MKLN1: variants seen among roughly 807,000 people sequenced by gnomAD.
The protein encoded by MKLN1 is muskelin.
A neutral mutation model predicts 99.0 loss-of-function variants in MKLN1; 18 were observed. That is an observed-to-expected ratio of 0.18 (90% CI 0.13 to 0.27). The LOEUF is 0.27. Ranked by LOEUF, MKLN1 falls within the 10% of genes least tolerant of loss-of-function variation. MKLN1 has a pLI of 1.00. For synonymous variants in MKLN1, 288 were observed against 293.2 expected (o/e 0.98, Z 0.18); for missense variants, 621 against 875.9 (o/e 0.71, Z 3.67).
chr7:131,404,852 C>T (rs980871731), intron 6 of MKLN1, among the ~76,000 whole-genome samples: 1 of 152,154 alleles, frequency 6.6e-6, no homozygotes, highest in Admixed American at 6.5e-5. Context: ...CTGCCTTGGC[C>T]TCCCAAAGTG....
chr7:131,133,798 CTTTTTTTTTTTTTTTAATTTGGTT>C (rs1795600714), intron 1 of MKLN1, among the ~76,000 whole-genome samples: 2 of 69,496 alleles, frequency 2.9e-5, no homozygotes, highest in Non-Finnish European at 5.5e-5. Flanking sequence ...AGGTTGACTT[CTTTTTTTTTTTTTTTAATTTGGTT>C]TTTTTTTTTT....
intron 1 of MKLN1, among the ~76,000 whole-genome samples, chr7:131,123,254 C>T (rs555831472): frequency 1.3e-5 from 2 of 152,148 alleles, no homozygotes; most frequent in East Asian, 1.9e-4. Flanking sequence ...GATCAGCAAA[C>T]TTTTTCCATT....
At chr7:131,395,900 T>A (rs961473142) in intron 4 of MKLN1, among the ~76,000 whole-genome samples, 3 of 151,926 alleles carry the variant, frequency 2.0e-5, no homozygotes, top group Non-Finnish European at 4.4e-5. Flanking sequence ...TTTTATATTT[T>A]CTTATAAATA....
intron 2 of MKLN1, among the ~76,000 whole-genome samples, chr7:131,377,969 A>T (rs1012700235): frequency 1.3e-5 from 2 of 152,254 alleles, no homozygotes; most frequent in African/African-American, 4.8e-5. Flanking sequence ...ACTCAAATAT[A>T]ACTGGGGTTT....
At chr7:131,475,992 G>C (rs1286054189) in intron 16 of MKLN1, among the ~76,000 whole-genome samples, 1 of 152,016 alleles carries the variant, frequency 6.6e-6, no homozygotes, top group Admixed American at 6.6e-5. Flanking sequence ...TATATGGCTA[G>C]TTTAACATTT....
intron 1 of MKLN1, among the ~76,000 whole-genome samples, chr7:131,116,060 C>G (rs1005401271): frequency 2.0e-5 from 3 of 152,262 alleles, no homozygotes; most frequent in Admixed American, 6.5e-5. Context: ...AATCCCAGCA[C>G]TTTGGGATGC....
chr7:131,440,897 A>G (rs537916222), intron 10 of MKLN1, among the ~76,000 whole-genome samples: 4 of 152,320 alleles, frequency 2.6e-5, no homozygotes, highest in South Asian at 2.1e-4. Context: ...TATTAATAAC[A>G]CTGACTATAA....
chr7:131,134,631 T>C (rs1236339516), intron 1 of MKLN1, among the ~76,000 whole-genome samples: 3 of 152,180 alleles, frequency 2.0e-5, no homozygotes, highest in African/African-American at 7.2e-5. Flanking sequence ...CCGTCTCTCC[T>C]ACTCCCAAAC....
At chr7:131,206,967 A>G (rs539547709) in intron 3 of MKLN1, among the ~76,000 whole-genome samples, 1 of 152,202 alleles carries the variant, frequency 6.6e-6, no homozygotes, top group South Asian at 2.1e-4. Flanking sequence ...GGGTCTATGG[A>G]CGTCTGAGTG....
At chr7:131,162,546 T>C (rs186903404) in intron 2 of MKLN1, among the ~76,000 whole-genome samples, 1 of 152,172 alleles carries the variant, frequency 6.6e-6, no homozygotes, top group Non-Finnish European at 1.5e-5. Context: ...ATGCACAAAA[T>C]TATTAACAGT....
chr7:131,315,377 A>G (rs1054695610), intron 3 of MKLN1, among the ~76,000 whole-genome samples: 2 of 152,136 alleles, frequency 1.3e-5, no homozygotes, highest in Non-Finnish European at 2.9e-5. Flanking sequence ...CAGCCTGGAT[A>G]CTATGCTTTT....
At chr7:131,329,346 G>A (rs942848279) in intron 1 of MKLN1, among the ~76,000 whole-genome samples, 2 of 152,228 alleles carry the variant, frequency 1.3e-5, no homozygotes, top group African/African-American at 4.8e-5. Context: ...TCTGGCCTGC[G>A]TAGCCTATTC....
chr7:131,160,492 A>AATTATT (rs60725549), intron 2 of MKLN1, among the ~76,000 whole-genome samples: 7,431 of 138,864 alleles, frequency 0.054, 215 homozygotes, highest in South Asian at 0.078. Flanking sequence ...TATTATTATT[A>AATTATT]ATTATTATTA....
At chr7:131,465,059 T>C (rs147413673) in intron 14 of MKLN1, among the ~76,000 whole-genome samples, 14 of 152,232 alleles carry the variant, frequency 9.2e-5, no homozygotes, top group East Asian at 7.7e-4. Flanking sequence ...AGGTAAAAGA[T>C]AACATGGGAG....
chr7:131,133,798 C>A (rs1197227948), intron 1 of MKLN1, among the ~76,000 whole-genome samples: 1 of 69,494 alleles, frequency 1.4e-5, no homozygotes, highest in Non-Finnish European at 2.8e-5. Flanking sequence ...AGGTTGACTT[C>A]TTTTTTTTTT....
chr7:131,227,541 C>T lies in MKLN1; in HGVS notation c.-179+24567C>T, dbSNP rs1376688368. Among the ~76,000 whole-genome samples the T allele has an allele frequency of 5.1e-5, 7 of 135,946 alleles. No homozygotes were observed. In the South Asian group the frequency reaches 1.4e-3, roughly 27 times the overall value. 89.2% of individuals were successfully genotyped at this position (135,946 alleles called of 152,430 possible). On this transcript the variant is annotated intron_variant, in intron 3 of 7. Coordinates refer to the MKLN1 transcript ENST00000416992. ...TCTTTCTTTCTTTCTTTCTTTCTCT[C>T]TTTCTTTTCCTTCCTTCCTTCCCTC... is the stretch of plus-strand genomic sequence containing the variant.
intron 12 of MKLN1, among the ~76,000 whole-genome samples, chr7:131,456,456 C>T (rs762294889): frequency 6.6e-6 from 1 of 152,244 alleles, no homozygotes; most frequent in East Asian, 1.9e-4. Context: ...CACTCTCCCC[C>T]AGATTACCCT....
chr7:131,346,243 G>A (rs1039657102), intron 1 of MKLN1, among the ~76,000 whole-genome samples: 9 of 151,986 alleles, frequency 5.9e-5, no homozygotes, highest in Non-Finnish European at 1.3e-4. Flanking sequence ...CAATATTAGG[G>A]CGGGTGTGGT....
intron 2 of MKLN1, among the ~76,000 whole-genome samples, chr7:131,167,301 G>A (rs1399021344): frequency 6.6e-6 from 1 of 152,100 alleles, no homozygotes; most frequent in African/African-American, 2.4e-5. Flanking sequence ...AGTATAAAGA[G>A]TCATAAAATG....
Sources: allele counts gnomAD v4.1 joint callset (sites outside exome capture counted in the v4.1 genomes callset), GRCh38; gene constraint gnomAD v4.1.1; transcripts MANE v1.5; gene names NCBI Gene and HGNC (gene_info 2026-07-23, HGNC 2026-07-21).